The following DNAJC13 variants were observed in gnomAD, a reference collection of about 807,000 sequenced individuals.
DNAJC13 encodes DnaJ heat shock protein family (Hsp40) member C13.
DNAJC13 carries 75 observed loss-of-function variants against 290.5 expected under a neutral mutation model. That is an observed-to-expected ratio of 0.26 (90% confidence interval 0.21 to 0.31). The LOEUF (loss-of-function observed/expected upper bound fraction) is 0.31, where lower values mean the gene tolerates loss of function less well. DNAJC13 is among the 10% of genes least tolerant of loss of function. DNAJC13 has a pLI of 1.00. For synonymous variants in DNAJC13, 862 were observed against 892.0 expected (o/e 0.97, Z 0.60); for missense variants, 2,260 against 2,674.5 (o/e 0.85, Z 3.42).
Position 132,507,943 on chromosome 3 carries a change from T to A in DNAJC13, c.5115+590T>A, listed in dbSNP as rs1003939895. Among the ~76,000 whole-genome samples the A allele has an allele frequency of 2.6e-5, 4 of 152,236 alleles. No homozygotes were observed. The East Asian group carries it at 5.8e-4, about 22-fold the overall frequency. On this transcript the variant is annotated intron_variant, in intron 43 of 55. Transcript: ENST00000260818. Reference sequence around the variant, plus strand: ...AGAAGGTTAAATAGGCCGAAAGCTATGCCTCTTGTGCCACACAGCCAAGTT... The same window carrying A: ...AGAAGGTTAAATAGGCCGAAAGCTAAGCCTCTTGTGCCACACAGCCAAGTT...
At chr3:132,486,742 A>G (rs1252498191) in intron 29 of DNAJC13, among the ~76,000 whole-genome samples, 1 of 152,140 alleles carries the variant, frequency 6.6e-6, no homozygotes, top group Non-Finnish European at 1.5e-5. Context: ...TTGGAAAGGG[A>G]TATCTGTACT....
rs573676097 is a variant in DNAJC13 at position 132,453,591 on chromosome 3, T to G, written c.745-8T>G. On this transcript the variant is annotated splice_region_variant and splice_polypyrimidine_tract_variant and intron_variant, in intron 7 of 55. Transcript: ENST00000260818. ...CTTCTTAATATGTCTCAATTTTATT[T>G]TTTGAAGGAGCCTGTTAAAAGAGTT... 5 of 1,607,096 alleles carry G rather than the reference T, an allele frequency of 3.1e-6. No individual in the cohort carries two copies. The African/African-American group carries it at 4.0e-5, about 13-fold the overall frequency.
At chr3:132,453,798 T>A in intron 8 of DNAJC13, 104 bp downstream of exon 8, 1 of 961,084 alleles carries the variant, frequency 1.0e-6, no homozygotes, top group South Asian at 1.6e-5. Context: ...GAATATGGAA[T>A]GGACAGAATC....
chr3:132,527,130 A>T lies in DNAJC13; in HGVS notation c.6381+849A>T, dbSNP rs146232650. On this transcript the variant is annotated intron_variant, in intron 53 of 55. Coordinates refer to ENST00000260818, the MANE Select transcript of DNAJC13 (RefSeq NM_015268.4). ...AAAAAATAAGTATTTGTAATGGTAG[A>T]TATGCTAATTAGCTTGATTTATTCT... 7.2e-5 allele frequency among the ~76,000 whole-genome samples: 11 copies of T among 152,374 alleles called. No individual in the cohort carries two copies. The East Asian group carries it at 1.9e-3, about 27-fold the overall frequency.
chr3:132,453,457 A>C lies in DNAJC13; in HGVS notation c.697A>C (p.Thr233Pro). 6.2e-7 allele frequency: 1 copy of C among 1,614,000 alleles called. No individual in the cohort carries two copies. The highest frequency in any genetic ancestry group is 8.5e-7 in the Non-Finnish European group (1 of 1,179,920). The change falls in exon 7 of 56, where the codon ACA becomes CCA. Residue 233 changes from threonine (T) to proline (P), a missense_variant. Coordinates refer to ENST00000260818, the MANE Select transcript of DNAJC13 (RefSeq NM_015268.4). Reference sequence around the variant, plus strand: ...AAAATACAGCACTGATGAATCCATCACATCTTTAGCAGAGTTTGTAGTCCA... The same window carrying C: ...AAAATACAGCACTGATGAATCCATCCCATCTTTAGCAGAGTTTGTAGTCCA... ...FGKYSTDESITSLAEFVVQKI... is the reference protein window; with the variant it reads ...FGKYSTDESIPSLAEFVVQKI...
chr3:132,483,973 T>C (rs766322292), intron 28 of DNAJC13, among the ~76,000 whole-genome samples: 8 of 152,180 alleles, frequency 5.3e-5, no homozygotes, highest in Non-Finnish European at 1.2e-4. Context: ...ACTTGACCAG[T>C]GAAGGTGAGA....
chr3:132,453,523 A>C lies in DNAJC13; in HGVS notation c.744+19A>C. The C allele has an allele frequency of 6.2e-7, 1 of 1,610,876 alleles. No homozygotes were observed. Among genetic ancestry groups the C allele is most frequent in the South Asian group, 1.1e-5 (1 of 90,178 alleles). Reference sequence around the variant, plus strand: ...ACATTCGGTAAGACCCATATGTTAAAAATGAAAATTTGTTCACCTGATTTT... The same window carrying C: ...ACATTCGGTAAGACCCATATGTTAACAATGAAAATTTGTTCACCTGATTTT... On this transcript the variant is annotated intron_variant, in intron 7 of 55. Transcript: ENST00000260818.
intron 48 of DNAJC13, among the ~76,000 whole-genome samples, chr3:132,517,679 G>C (rs1935957622): frequency 1.3e-5 from 2 of 152,138 alleles, no homozygotes; most frequent in Admixed American, 1.3e-4. Context: ...CTTTGGGTAA[G>C]GAGGAGGCTA....
chr3:132,472,442 A>G, intron 20 of DNAJC13: 1 of 502,712 alleles, frequency 2.0e-6, no homozygotes, highest in African/African-American at 2.1e-5. Flanking sequence ...CACCTATTTT[A>G]GTCTTAAAGT....
rs779135913 is a variant in DNAJC13 at position 132,477,954 on chromosome 3, T to C, written c.2550-27T>C. 7 of 1,600,702 alleles carry C rather than the reference T, an allele frequency of 4.4e-6. No homozygotes were observed. The Admixed American group carries it at 1.1e-4, about 24-fold the overall frequency. ...ACTGTTGGTTTCATGGCTATTTCTA[T>C]TGTGAACTTTTTTTTTTAAAATCTA... is the stretch of plus-strand genomic sequence containing the variant. On this transcript the variant is annotated intron_variant, in intron 23 of 55. Transcript: ENST00000260818.
Position 132,425,563 on chromosome 3 carries a change from A to T in DNAJC13, c.-14+7803A>T, listed in dbSNP as rs147519283. ...TCAAAACAAATTCACATTTTTAGTT[A>T]TTGAGGGCAGAGCTAATGAAAGTAA... On this transcript the variant is annotated intron_variant, in intron 1 of 55. Coordinates refer to ENST00000260818, the MANE Select transcript of DNAJC13 (RefSeq NM_015268.4). 2.1e-3 allele frequency among the ~76,000 whole-genome samples: 325 copies of T among 152,268 alleles called. 1 individual carries two copies. In the Middle Eastern group the frequency reaches 0.041, roughly 19 times the overall value.
chr3:132,527,033 T>C (rs954701311), intron 53 of DNAJC13, among the ~76,000 whole-genome samples: 7 of 152,222 alleles, frequency 4.6e-5, no homozygotes, highest in Admixed American at 4.6e-4. Flanking sequence ...CTATTGTGCA[T>C]TATGTTGACT....
At chr3:132,503,757 AG>A (rs531238873) in intron 41 of DNAJC13, among the ~76,000 whole-genome samples, 12 of 151,878 alleles carry the variant, frequency 7.9e-5, no homozygotes, top group Non-Finnish European at 1.8e-4. Context: ...ATTCAGACAC[AG>A]GGTTAAAATC....
intron 1 of DNAJC13, among the ~76,000 whole-genome samples, chr3:132,426,637 C>A (rs1559863551): frequency 6.6e-6 from 1 of 152,092 alleles, no homozygotes; most frequent in Non-Finnish European, 1.5e-5. Context: ...GCTTCTGATA[C>A]TAGAAATTTT....
In DNAJC13 at chr3:132,453,200, TAGAA is replaced by T; in HGVS notation, c.538-97_538-94del. On this transcript the variant is annotated intron_variant, in intron 6 of 55. Transcript: ENST00000260818. ...CTCTAATACCTACCTCTTTTTTCTC[TAGAA>T]TTGCTACTTTAATACCTTTCCTATG... 7 of 1,102,230 alleles carry T rather than the reference TAGAA, an allele frequency of 6.4e-6. No individual in the cohort carries two copies. In the Admixed American group the frequency reaches 1.3e-4, roughly 20 times the overall value. The allele number at this position is 1,102,230 out of a possible 1,614,324, so 68.3% of individuals were successfully genotyped here.
At position 132,492,903 on chromosome 3, in the gene DNAJC13, T is replaced by A. The variant is rs73216001; in HGVS notation, c.3825+288T>A. On this transcript the variant is annotated intron_variant, in intron 33 of 55. Transcript: ENST00000260818. ...ATAATTATATATATATAGTATTATATACTATAATACCTTGGTGGAAGCTTG... is the reference window on the plus strand; with the variant it reads ...ATAATTATATATATATAGTATTATAAACTATAATACCTTGGTGGAAGCTTG... 1.7e-3 allele frequency among the ~76,000 whole-genome samples: 252 copies of A among 152,012 alleles called. 3 individuals carry two copies. Among genetic ancestry groups the A allele is most frequent in the African/African-American group, 5.8e-3 (241 of 41,460 alleles).
chr3:132,483,936 G>C (rs1298706723), intron 28 of DNAJC13, among the ~76,000 whole-genome samples: 1 of 152,200 alleles, frequency 6.6e-6, no homozygotes, highest in East Asian at 1.9e-4. Context: ...TGCTATAGAA[G>C]GCAAGTGTAG....
intron 1 of DNAJC13, among the ~76,000 whole-genome samples, chr3:132,433,356 GAAT>G (rs1471715255): frequency 1.3e-5 from 2 of 152,140 alleles, no homozygotes; most frequent in East Asian, 3.8e-4. Context: ...CTCAGCCTCA[GAAT>G]AATACCACAC....
At chr3:132,434,726 T>C in intron 2 of DNAJC13, 108 bp downstream of exon 2, 1 of 728,630 alleles carries the variant, frequency 1.4e-6, no homozygotes, top group Non-Finnish European at 2.0e-6. Context: ...TATACAGCCC[T>C]TCTCTTCTGA....
Sources: allele counts gnomAD v4.1 joint callset (sites outside exome capture counted in the v4.1 genomes callset), GRCh38; gene constraint gnomAD v4.1.1; transcripts MANE v1.5; gene names NCBI Gene and HGNC (gene_info 2026-07-23, HGNC 2026-07-21).